The following PTPRD variants were observed in gnomAD, a reference collection of about 807,000 sequenced individuals.
The protein encoded by PTPRD is protein tyrosine phosphatase receptor type D.
A neutral mutation model predicts 214.5 loss-of-function variants in PTPRD; 34 were observed. The ratio of observed to expected loss-of-function variants is 0.16; its 90% CI spans 0.12 to 0.21. The LOEUF (loss-of-function observed/expected upper bound fraction) is 0.21. Among genes scored for constraint, PTPRD ranks in the 10% least tolerant of loss-of-function variants. The probability of loss-of-function intolerance (pLI) is 1.00; values close to 1 mark genes in which losing one functional copy is unlikely to be tolerated. For synonymous variants in PTPRD, 1,128 were observed against 845.7 expected (o/e 1.33, Z -5.79); for missense variants, 2,545 against 2,398.7 (o/e 1.06, Z -1.27).
intron 43 of PTPRD, among the ~76,000 whole-genome samples, chr9:8,337,642 T>C (rs1848265462): frequency 6.6e-6 from 1 of 151,790 alleles, no homozygotes; most frequent in African/African-American, 2.4e-5. Context: ...AAGAAAATTA[T>C]ACAATCACAG....
intron 2 of PTPRD, among the ~76,000 whole-genome samples, chr9:10,518,965 T>C (rs1566693428): frequency 6.6e-6 from 1 of 152,036 alleles, no homozygotes; most frequent in Non-Finnish European, 1.5e-5. Context: ...TTTCTTTTTC[T>C]GGGTAGATTA....
At chr9:10,557,248 TTC>T (rs770102140) in intron 2 of PTPRD, among the ~76,000 whole-genome samples, 4 of 152,206 alleles carry the variant, frequency 2.6e-5, no homozygotes, top group Admixed American at 6.6e-5. Flanking sequence ...GCTTCTCTTT[TTC>T]TCTGTCTCTC....
At chr9:8,563,880 G>A (rs1177802612) in intron 14 of PTPRD, among the ~76,000 whole-genome samples, 8 of 152,210 alleles carry the variant, frequency 5.3e-5, no homozygotes, top group Non-Finnish European at 1.0e-4. Flanking sequence ...AGACAGGCCA[G>A]TCTTGAACTC....
intron 9 of PTPRD, among the ~76,000 whole-genome samples, chr9:9,372,647 C>G (rs921002215): frequency 5.3e-5 from 8 of 152,168 alleles, no homozygotes; most frequent in African/African-American, 1.9e-4. Context: ...TGAATTTGAT[C>G]CTGTCATTAC....
intron 10 of PTPRD, among the ~76,000 whole-genome samples, chr9:9,157,898 G>A (rs1042319591): frequency 1.3e-5 from 2 of 152,070 alleles, no homozygotes; most frequent in Non-Finnish European, 2.9e-5. Context: ...GTTGCCCACA[G>A]TGTGTTATTT....
rs548235250 is a variant in PTPRD at position 10,234,587 on chromosome 9, T to C, written c.-545+106376A>G. Among the ~76,000 whole-genome samples, 124 of 151,784 alleles carry C rather than the reference T, an allele frequency of 8.2e-4. No individual in the cohort carries two copies. The South Asian group carries it at 0.025, about 31-fold the overall frequency. Reference sequence around the variant, plus strand: ...TAAAACAAGGAACAATTAAGAATTATTCAAGAAATTCGAGTAAAGAAATGA... The same window carrying C: ...TAAAACAAGGAACAATTAAGAATTACTCAAGAAATTCGAGTAAAGAAATGA... On this transcript the variant is annotated intron_variant, in intron 3 of 45. Coordinates refer to ENST00000381196, the MANE Select transcript of PTPRD (RefSeq NM_002839.4).
rs767393564 is a variant in PTPRD at position 8,507,320 on chromosome 9, T to C, written c.1658A>G (p.Asp553Gly). Residue 553 changes from aspartate to glycine, a missense_variant, in exon 22 of 46, where the codon GAT becomes GGT. Coordinates refer to ENST00000381196, the MANE Select transcript of PTPRD (RefSeq NM_002839.4). ...TIANYELVYKDGEHGEEQRIT... is the reference protein window; with the variant it reads ...TIANYELVYKGGEHGEEQRIT... Reference sequence around the variant, plus strand: ...TCTTACCTCCTCTCCATGCTCCCCATCTTTGTAGACCAGTTCATAGTTGGC... The same window carrying C: ...TCTTACCTCCTCTCCATGCTCCCCACCTTTGTAGACCAGTTCATAGTTGGC... The C allele has an allele frequency of 1.9e-6, 3 of 1,613,800 alleles. No homozygotes were observed. The East Asian group carries it at 6.7e-5, about 36-fold the overall frequency.
chr9:9,232,934 A>T (rs1402249744), intron 9 of PTPRD, among the ~76,000 whole-genome samples: 1 of 152,124 alleles, frequency 6.6e-6, no homozygotes, highest in Non-Finnish European at 1.5e-5. Context: ...CTAGAAAAAT[A>T]CTACTCTAAC....
intron 7 of PTPRD, among the ~76,000 whole-genome samples, chr9:9,587,535 G>C (rs573890178): frequency 6.8e-6 from 1 of 146,922 alleles, no homozygotes; most frequent in Non-Finnish European, 1.5e-5. Context: ...CCCAATGGCA[G>C]CCCAAAAAAG....
Position 8,801,925 on chromosome 9 carries a change from G to C in PTPRD, c.-103-67979C>G, listed in dbSNP as rs141333201. 3.9e-3 allele frequency among the ~76,000 whole-genome samples: 595 copies of C among 152,222 alleles called. 2 individuals carry two copies. The highest frequency in any genetic ancestry group is 0.013 in the African/African-American group (524 of 41,528). ...TAAAAAAGAAAGAAAGGGAAGGGGA[G>C]GAGATGGGAGAGGAGGGAAATGTGA... On this transcript the variant is annotated intron_variant, in intron 11 of 45. Coordinates refer to ENST00000381196, the MANE Select transcript of PTPRD (RefSeq NM_002839.4).
chr9:9,406,956 G>C (rs2073681885), intron 8 of PTPRD, among the ~76,000 whole-genome samples: 1 of 150,978 alleles, frequency 6.6e-6, no homozygotes, highest in Non-Finnish European at 1.5e-5. Context: ...GATTAGATTT[G>C]AATTAGGAGT....
At chr9:9,464,355 T>G (rs2093946689) in intron 8 of PTPRD, among the ~76,000 whole-genome samples, 1 of 152,180 alleles carries the variant, frequency 6.6e-6, no homozygotes, top group Non-Finnish European at 1.5e-5. Flanking sequence ...GTATAAATAG[T>G]GAGTTTGATT....
At chr9:10,196,410 T>C (rs1461120429) in intron 3 of PTPRD, among the ~76,000 whole-genome samples, 1 of 152,124 alleles carries the variant, frequency 6.6e-6, no homozygotes, top group African/African-American at 2.4e-5. Flanking sequence ...GAAGTATTAG[T>C]TCCCACTACC....
chr9:10,561,123 T>C (rs928872707), intron 2 of PTPRD, among the ~76,000 whole-genome samples: 7 of 152,164 alleles, frequency 4.6e-5, no homozygotes, highest in Admixed American at 3.9e-4. Flanking sequence ...TAGCATTGTA[T>C]TTTAGATGGT....
intron 11 of PTPRD, chr9:8,962,839 C>G (rs2154320503): frequency 6.6e-6 from 1 of 152,178 alleles, no homozygotes; most frequent in South Asian, 2.1e-4. Context: ...AAAACTATTA[C>G]AGGCATTTCT....
chr9:10,526,166 A>G (rs145587117), intron 2 of PTPRD, among the ~76,000 whole-genome samples: 214 of 152,236 alleles, frequency 1.4e-3, no homozygotes, highest in Non-Finnish European at 2.5e-3. Flanking sequence ...ACTGCCAACT[A>G]TAGGTCAATA....
chr9:8,482,150 T>C lies in PTPRD; in HGVS notation c.3413+1969A>G, dbSNP rs2096900579. Reference sequence around the variant, plus strand: ...GTATTTCACTGATATTTCATATTAATACACACAACGTTAAACTCATTTACT... The same window carrying C: ...GTATTTCACTGATATTTCATATTAACACACACAACGTTAAACTCATTTACT... On this transcript the variant is annotated intron_variant, in intron 30 of 45. Transcript: ENST00000381196. 2.0e-5 allele frequency among the ~76,000 whole-genome samples: 3 copies of C among 152,322 alleles called. No homozygotes were observed. The South Asian group carries it at 6.2e-4, about 32-fold the overall frequency.
intron 2 of PTPRD, among the ~76,000 whole-genome samples, chr9:10,357,863 T>A (rs2097306694): frequency 1.3e-5 from 2 of 152,178 alleles, no homozygotes; most frequent in Admixed American, 6.5e-5. Flanking sequence ...ACTGGGGACT[T>A]TTTGGTACTG....
intron 8 of PTPRD, among the ~76,000 whole-genome samples, chr9:9,555,359 A>G (rs2081270209): frequency 1.3e-5 from 2 of 152,022 alleles, no homozygotes; most frequent in African/African-American, 4.8e-5. Context: ...ATCACACATT[A>G]TTGACTGAGT....
Sources: gnomAD v4.1 joint callset for allele counts (sites outside exome capture counted in the v4.1 genomes callset) on GRCh38, gnomAD v4.1.1 for gene constraint, MANE v1.5 for transcripts, NCBI Gene and HGNC (gene_info 2026-07-23, HGNC 2026-07-21) for gene names.